The following RTL4 variants were observed in gnomAD, a reference collection of about 807,000 sequenced individuals.
The protein encoded by RTL4 is retrotransposon Gag like 4, also known as retrotransposon Gag-like protein 4.
RTL4 carries 4 observed loss-of-function variants against 5.3 expected under a neutral mutation model. The observed-to-expected ratio is 0.75, with a 90% CI of 0.37 to 1.72. The LOEUF (loss-of-function observed/expected upper bound fraction) is 1.72, where lower values mean the gene tolerates loss of function less well. RTL4 is among the 40% of genes most tolerant of loss of function. The pLI, the probability that RTL4 is intolerant of heterozygous loss-of-function variation, is 0.04. For synonymous variants in RTL4, 98 were observed against 87.3 expected (o/e 1.12, Z -0.68); for missense variants, 260 against 227.1 (o/e 1.14, Z -0.93).
chrX:112,336,679 T>C, the RTL4 span, among the ~76,000 whole-genome samples: 1 of 112,356 alleles, frequency 8.9e-6, no homozygotes, highest in African/African-American at 3.2e-5. Flanking sequence ...TGTCATATAC[T>C]CAATAGCCAC....
At chrX:112,197,863 A>G in the RTL4 span, among the ~76,000 whole-genome samples, 1 of 112,214 alleles carries the variant, frequency 8.9e-6, no homozygotes, top group Admixed American at 9.5e-5. Context: ...GGAAATAAAG[A>G]AAATTACATG....
chrX:112,332,597 C>T, the RTL4 span, among the ~76,000 whole-genome samples: 1 of 103,681 alleles, frequency 9.6e-6, no homozygotes, highest in African/African-American at 3.6e-5. Flanking sequence ...AACCAAACAT[C>T]GCATATTCTC....
chrX:112,390,834 C>T, the RTL4 span, among the ~76,000 whole-genome samples: 1 of 111,554 alleles, frequency 9.0e-6, no homozygotes, highest in African/African-American at 3.3e-5. Context: ...CAGGAGTTCT[C>T]TGTATTTTCT....
chrX:112,307,671 A>G, the RTL4 span, among the ~76,000 whole-genome samples: 2 of 110,701 alleles, frequency 1.8e-5, no homozygotes, highest in South Asian at 3.9e-4. Flanking sequence ...AATTCAGCAC[A>G]TTTTTTCTTG....
At chrX:112,452,531 A>G (rs1163079929), upstream of RTL4, among the ~76,000 whole-genome samples, 2 of 110,739 alleles carry the variant, frequency 1.8e-5, no homozygotes, top group Non-Finnish European at 3.8e-5. Flanking sequence ...AGATCAGGAA[A>G]TTAGAAGGGT....
the RTL4 span, among the ~76,000 whole-genome samples, chrX:112,291,860 G>T: frequency 1.8e-5 from 2 of 110,367 alleles, no homozygotes; most frequent in African/African-American, 3.3e-5. Context: ...CTCCCAAAGT[G>T]CTGGGATTAC....
At chrX:112,431,534 C>G in the RTL4 span, among the ~76,000 whole-genome samples, 1 of 110,643 alleles carries the variant, frequency 9.0e-6, no homozygotes, top group Non-Finnish European at 1.9e-5. Flanking sequence ...AGCACTGGTT[C>G]CTATGGAAAT....
the RTL4 span, among the ~76,000 whole-genome samples, chrX:112,105,072 T>C: frequency 1.8e-5 from 2 of 111,929 alleles, no homozygotes; most frequent in East Asian, 5.6e-4. Flanking sequence ...TTGTGTATGG[T>C]GTGAGCCAGT....
the RTL4 span, among the ~76,000 whole-genome samples, chrX:112,421,999 T>A: frequency 4.0e-4 from 45 of 111,912 alleles, no homozygotes; most frequent in African/African-American, 1.3e-3. Context: ...ACAAAAATAT[T>A]GAAGAAACAG....
At chrX:112,217,606 G>A in the RTL4 span, among the ~76,000 whole-genome samples, 3 of 111,647 alleles carry the variant, frequency 2.7e-5, no homozygotes, top group Admixed American at 9.6e-5. Context: ...TGAGATTGTC[G>A]TGAGTAGTAA....
the RTL4 span, among the ~76,000 whole-genome samples, chrX:112,330,694 G>A: frequency 3.2e-3 from 360 of 111,179 alleles, no homozygotes; most frequent in Middle Eastern, 4.6e-3. Context: ...AGCCCGCATC[G>A]CCAAGTCAAT....
chrX:112,105,997 T>C, the RTL4 span, among the ~76,000 whole-genome samples: 1 of 112,214 alleles, frequency 8.9e-6, no homozygotes, highest in Non-Finnish European at 1.9e-5. Context: ...CCTTGTTAAA[T>C]ATGATATTAT....
At chrX:112,098,084 T>A in the RTL4 span, among the ~76,000 whole-genome samples, 1 of 109,710 alleles carries the variant, frequency 9.1e-6, no homozygotes, top group African/African-American at 3.3e-5. Context: ...ACATTAGGTA[T>A]ATCTCCTAAT....
the RTL4 span, among the ~76,000 whole-genome samples, chrX:112,132,402 C>T: frequency 9.0e-6 from 1 of 111,317 alleles, no homozygotes; most frequent in South Asian, 3.8e-4. Context: ...TCACAAAGGG[C>T]ATAAAGCCCA....
At chrX:112,239,807 C>T in the RTL4 span, among the ~76,000 whole-genome samples, 3 of 111,719 alleles carry the variant, frequency 2.7e-5, no homozygotes, top group Non-Finnish European at 3.8e-5. Context: ...TAACCATTTC[C>T]GCCCATATCT....
chrX:112,352,156 G>T, the RTL4 span, among the ~76,000 whole-genome samples: 1 of 107,609 alleles, frequency 9.3e-6, no homozygotes, highest in Admixed American at 1.0e-4. Context: ...TGAAATTCTG[G>T]GTTGAAAATT....
chrX:112,167,461 G>C, the RTL4 span, among the ~76,000 whole-genome samples: 1 of 111,367 alleles, frequency 9.0e-6, no homozygotes, highest in East Asian at 2.8e-4. Context: ...CTTTGACCTT[G>C]AATTCAAGGG....
At chrX:112,387,935 A>G in the RTL4 span, among the ~76,000 whole-genome samples, 1 of 111,776 alleles carries the variant, frequency 8.9e-6, no homozygotes, top group Admixed American at 9.4e-5. Flanking sequence ...ACTTTAAAAT[A>G]GGTTTTTTCT....
At chrX:112,128,796 A>G in the RTL4 span, among the ~76,000 whole-genome samples, 38 of 111,708 alleles carry the variant, frequency 3.4e-4, no homozygotes, top group African/African-American at 1.0e-3. Flanking sequence ...AACTTTGGCT[A>G]TGACACCAAA....
Sources: gnomAD v4.1 joint callset for allele counts (sites outside exome capture counted in the v4.1 genomes callset) on GRCh38, gnomAD v4.1.1 for gene constraint, MANE v1.5 for transcripts, NCBI Gene and HGNC (gene_info 2026-07-23, HGNC 2026-07-21) for gene names.